Variants in KDM4C observed in about 807,000 individuals in gnomAD.
KDM4C encodes the protein lysine demethylase 4C, also known as lysine-specific demethylase 4C.
KDM4C carries 81 observed loss-of-function variants against 129.3 expected under a neutral mutation model. That is an observed-to-expected ratio of 0.63 (90% CI 0.52 to 0.75). KDM4C has a LOEUF of 0.75. Among genes scored for constraint, KDM4C ranks in the 30% least tolerant of loss-of-function variants. The pLI, the probability that KDM4C is intolerant of heterozygous loss-of-function variation, is 0.00. For synonymous variants in KDM4C, 573 were observed against 456.1 expected (o/e 1.26, Z -3.26); for missense variants, 1,457 against 1,304.0 (o/e 1.12, Z -1.81).
At chr9:7,116,324 C>G (rs900721669) in intron 18 of KDM4C, among the ~76,000 whole-genome samples, 1 of 131,190 alleles carries the variant, frequency 7.6e-6, no homozygotes, top group African/African-American at 2.8e-5. Context: ...AATTCAACAA[C>G]TTTTAATTAT....
At chr9:7,136,628 A>T (rs1841235276) in intron 19 of KDM4C, among the ~76,000 whole-genome samples, 2 of 152,246 alleles carry the variant, frequency 1.3e-5, no homozygotes, top group African/African-American at 2.4e-5. Flanking sequence ...TCTGTCTTCT[A>T]CGATGAAAAG....
intron 5 of KDM4C, among the ~76,000 whole-genome samples, chr9:6,857,847 C>T (rs538321899): frequency 7.3e-4 from 110 of 150,670 alleles, no homozygotes; most frequent in Middle Eastern, 6.9e-3. Flanking sequence ...CTCTGCCTCC[C>T]GGGCTCAAGC....
intron 4 of KDM4C, among the ~76,000 whole-genome samples, chr9:6,835,939 T>C (rs1419408509): frequency 6.6e-6 from 1 of 152,218 alleles, no homozygotes; most frequent in East Asian, 1.9e-4. Flanking sequence ...CGAGTCCACA[T>C]AGGGGAGGTT....
At chr9:7,022,622 GC>G (rs1252542180) in intron 15 of KDM4C, among the ~76,000 whole-genome samples, 2 of 142,684 alleles carry the variant, frequency 1.4e-5, no homozygotes, top group African/African-American at 5.3e-5. Flanking sequence ...TTTCCAATTT[GC>G]AAACCCTTTA....
chr9:7,031,494 T>C (rs771969106), intron 15 of KDM4C, among the ~76,000 whole-genome samples: 6 of 152,146 alleles, frequency 3.9e-5, no homozygotes, highest in Non-Finnish European at 5.9e-5. Flanking sequence ...CAATTAGATA[T>C]AAGCAAACTA....
At chr9:7,060,725 C>T (rs576165891) in intron 17 of KDM4C, among the ~76,000 whole-genome samples, 16 of 152,168 alleles carry the variant, frequency 1.1e-4, no homozygotes, top group African/African-American at 3.4e-4. Flanking sequence ...CGTGATCCGC[C>T]TGCCTCGGCC....
chr9:6,988,851 G>T (rs985364454), intron 11 of KDM4C, among the ~76,000 whole-genome samples: 1 of 151,604 alleles, frequency 6.6e-6, no homozygotes, highest in Middle Eastern at 3.2e-3. Context: ...TATCAGAAAG[G>T]CCTTCTCTGA....
intron 1 of KDM4C, among the ~76,000 whole-genome samples, chr9:6,785,689 C>G (rs776576715): frequency 4.6e-5 from 7 of 152,236 alleles, no homozygotes; most frequent in Middle Eastern, 3.2e-3. Context: ...CGACCCTAAT[C>G]AAATATGACC....
intron 3 of KDM4C, among the ~76,000 whole-genome samples, chr9:6,806,178 G>A (rs999415587): frequency 1.3e-5 from 2 of 152,078 alleles, no homozygotes; most frequent in Non-Finnish European, 2.9e-5. Flanking sequence ...CATTGCATTA[G>A]TTATTTATTG....
chr9:6,795,455 C>G (rs1490574773), intron 2 of KDM4C, among the ~76,000 whole-genome samples: 1 of 152,188 alleles, frequency 6.6e-6, no homozygotes. Flanking sequence ...CCTCAGCCTC[C>G]TGAATAGCTG....
chr9:6,957,933 G>A (rs1461139718), intron 8 of KDM4C, among the ~76,000 whole-genome samples: 3 of 152,102 alleles, frequency 2.0e-5, no homozygotes, highest in African/African-American at 4.8e-5. Context: ...CAGTGTTATC[G>A]AAAGCCTGTA....
At chr9:7,052,173 T>G (rs1830241125) in intron 17 of KDM4C, among the ~76,000 whole-genome samples, 1 of 152,238 alleles carries the variant, frequency 6.6e-6, no homozygotes, top group Non-Finnish European at 1.5e-5. Context: ...CAAATCCAAA[T>G]TTCTTTTTTG....
chr9:7,013,642 A>G, intron 13 of KDM4C, 146 bp from the exon 14 acceptor site: 1 of 690,096 alleles, frequency 1.4e-6, no homozygotes, highest in Non-Finnish European at 2.4e-6. Flanking sequence ...TGATTTAAAA[A>G]AAACTAGTAG....
intron 8 of KDM4C, among the ~76,000 whole-genome samples, chr9:6,910,735 A>G (rs574907751): frequency 6.6e-6 from 1 of 152,358 alleles, no homozygotes; most frequent in South Asian, 2.1e-4. Flanking sequence ...GGAAATAATC[A>G]GTAGTTGCCC....
intron 6 of KDM4C, among the ~76,000 whole-genome samples, chr9:6,887,559 T>C (rs537877310): frequency 1.3e-5 from 2 of 152,348 alleles, no homozygotes; most frequent in East Asian, 1.9e-4. Flanking sequence ...TGCATACTTA[T>C]CTTTCCTTTT....
intron 1 of KDM4C, among the ~76,000 whole-genome samples, chr9:6,744,317 A>C (rs767091004): frequency 2.0e-5 from 3 of 152,096 alleles, no homozygotes; most frequent in Non-Finnish European, 4.4e-5. Flanking sequence ...CGAGGTTAAG[A>C]GATTGAGACC....
intron 1 of KDM4C, among the ~76,000 whole-genome samples, chr9:6,789,649 A>G (rs1826160897): frequency 6.6e-6 from 1 of 151,874 alleles, no homozygotes; most frequent in Non-Finnish European, 1.5e-5. Context: ...TACAGGTGTG[A>G]GCCACCGTGC....
intron 12 of KDM4C, among the ~76,000 whole-genome samples, chr9:6,993,860 C>T (rs1233386302): frequency 6.6e-6 from 1 of 152,186 alleles, no homozygotes; most frequent in Non-Finnish European, 1.5e-5. Flanking sequence ...TGCTCAATTT[C>T]TTTGTGTGGC....
At chr9:7,062,162 G>T (rs1490791212) in intron 17 of KDM4C, among the ~76,000 whole-genome samples, 1 of 152,128 alleles carries the variant, frequency 6.6e-6, no homozygotes, top group Non-Finnish European at 1.5e-5. Flanking sequence ...TAGAGACGGG[G>T]TGTCACCGTG....
Sources: allele counts gnomAD v4.1 joint callset (sites outside exome capture counted in the v4.1 genomes callset), GRCh38; gene constraint gnomAD v4.1.1; transcripts MANE v1.5; gene names NCBI Gene and HGNC (gene_info 2026-07-23, HGNC 2026-07-21).